The following IMMP2L variants were observed in gnomAD, a reference collection of about 807,000 sequenced individuals.
IMMP2L encodes inner mitochondrial membrane peptidase subunit 2.
Under a neutral mutation model 19.3 loss-of-function variants are expected in IMMP2L, and 18 were observed. The observed-to-expected ratio is 0.93, with a 90% CI of 0.64 to 1.38. IMMP2L has a LOEUF of 1.38. IMMP2L is among the 40% of genes most tolerant of loss of function. IMMP2L has a pLI of 0.00. For missense variants in IMMP2L, 233 were observed against 218.2 expected, an observed-to-expected ratio of 1.07 and a Z score of -0.43; for synonymous variants, 76 against 73.0, an observed-to-expected ratio of 1.04 and a Z score of -0.21.
intron 3 of IMMP2L, among the ~76,000 whole-genome samples, chr7:111,103,359 T>C (rs1355687030): frequency 1.3e-5 from 2 of 151,680 alleles, no homozygotes; most frequent in African/African-American, 2.4e-5. Context: ...CAACTGCTAA[T>C]AGTTTTTACC....
At chr7:111,397,334 C>T (rs1832978444) in intron 3 of IMMP2L, among the ~76,000 whole-genome samples, 1 of 151,968 alleles carries the variant, frequency 6.6e-6, no homozygotes, top group Non-Finnish European at 1.5e-5. Flanking sequence ...TATGAATATT[C>T]CATCATTTGT....
Position 110,717,287 on chromosome 7 carries a change from T to A in IMMP2L, c.409-53566A>T, listed in dbSNP as rs1230054764. Among the ~76,000 whole-genome samples the A allele has an allele frequency of 4.6e-5, 7 of 152,166 alleles. 1 individual carries two copies. The highest frequency in any genetic ancestry group is 1.7e-4 in the African/African-American group (7 of 41,528). ...GTCAGGAGATGGAGACCATCCTGGC[T>A]AATACGGTGAAACCCCATCTCTACT... On this transcript the variant is annotated intron_variant, in intron 5 of 5. Coordinates refer to ENST00000405709, the MANE Select transcript of IMMP2L (RefSeq NM_032549.4).
intron 2 of IMMP2L, among the ~76,000 whole-genome samples, chr7:111,502,658 T>C (rs1844414396): frequency 6.6e-6 from 1 of 151,656 alleles, no homozygotes; most frequent in South Asian, 2.1e-4. Flanking sequence ...AACTCAGGAT[T>C]AAGAAACTCA....
chr7:110,692,027 T>C lies in IMMP2L; in HGVS notation c.409-28306A>G, dbSNP rs112709751. 6.0e-3 allele frequency among the ~76,000 whole-genome samples: 913 copies of C among 152,240 alleles called. 8 individuals carry two copies. Among genetic ancestry groups the C allele is most frequent in the African/African-American group, 0.021 (871 of 41,554 alleles). ...CATACAAATGTTTACCACAACACAA[T>C]TCACAATTGCAAAGAAATGGAACCA... On this transcript the variant is annotated intron_variant, in intron 5 of 5. Coordinates refer to ENST00000405709, the MANE Select transcript of IMMP2L (RefSeq NM_032549.4).
intron 5 of IMMP2L, among the ~76,000 whole-genome samples, chr7:110,684,145 T>C (rs981982402): frequency 6.6e-6 from 1 of 152,082 alleles, no homozygotes; most frequent in Non-Finnish European, 1.5e-5. Context: ...ATAGTAGCAA[T>C]AAAATAAAAC....
chr7:110,807,262 A>G (rs778954296), intron 5 of IMMP2L, among the ~76,000 whole-genome samples: 20 of 152,030 alleles, frequency 1.3e-4, no homozygotes, highest in Admixed American at 4.6e-4. Context: ...TAAAGCTGAT[A>G]GAGTTAGCTC....
intron 3 of IMMP2L, among the ~76,000 whole-genome samples, chr7:111,216,586 C>CAA (rs2129619756): frequency 6.6e-6 from 1 of 152,154 alleles, no homozygotes; most frequent in African/African-American, 2.4e-5. Flanking sequence ...GTACAGTACT[C>CAA]TATTATTAAT....
intron 3 of IMMP2L, among the ~76,000 whole-genome samples, chr7:111,048,253 A>AAAG (rs1311991747): frequency 2.4e-4 from 35 of 143,176 alleles, no homozygotes; most frequent in African/African-American, 6.3e-4. Context: ...AAAAAAAAAA[A>AAAG]AAAAAAAAAA....
rs1817121620 is a variant in IMMP2L at position 110,945,129 on chromosome 7, G to C, written c.305+18371C>G. Among the ~76,000 whole-genome samples, 3 of 152,028 alleles carry C rather than the reference G, an allele frequency of 2.0e-5. No individual in the cohort carries two copies. In the South Asian group the frequency reaches 6.2e-4, roughly 32 times the overall value. On this transcript the variant is annotated intron_variant, in intron 4 of 5. Transcript: ENST00000405709. Reference sequence around the variant, plus strand: ...AGCTGCCAAGAAAATGCAAACTATAGGTATGGCCAGAGACAGTGGGGAGAA... The same window carrying C: ...AGCTGCCAAGAAAATGCAAACTATACGTATGGCCAGAGACAGTGGGGAGAA...
chr7:111,119,110 C>T (rs781326627), intron 3 of IMMP2L, among the ~76,000 whole-genome samples: 1 of 152,124 alleles, frequency 6.6e-6, no homozygotes, highest in African/African-American at 2.4e-5. Context: ...GATATAGGTA[C>T]CTCTCTGCTC....
rs1010322431 is a variant in IMMP2L at position 111,419,097 on chromosome 7, C to G, written c.239+68141G>C. On this transcript the variant is annotated intron_variant, in intron 3 of 5. Transcript: ENST00000405709. ...CCTAGCTTCACATAAATGGTTAAAG[C>G]TTTAAATAAATTGCATTTATATAAT... 2.0e-5 allele frequency among the ~76,000 whole-genome samples: 3 copies of G among 151,758 alleles called. No homozygotes were observed. The South Asian group carries it at 6.2e-4, about 32-fold the overall frequency.
chr7:111,281,052 A>G (rs1419931012), intron 3 of IMMP2L, among the ~76,000 whole-genome samples: 1 of 151,272 alleles, frequency 6.6e-6, no homozygotes, highest in African/African-American at 2.4e-5. Context: ...CCTGGGCAAC[A>G]GAGCGAGACT....
At chr7:110,688,958 AG>A (rs1404158022) in intron 5 of IMMP2L, among the ~76,000 whole-genome samples, 1 of 152,090 alleles carries the variant, frequency 6.6e-6, no homozygotes, top group Non-Finnish European at 1.5e-5. Context: ...CATTATCTTT[AG>A]GGGGTGGAAT....
intron 4 of IMMP2L, among the ~76,000 whole-genome samples, chr7:110,915,823 T>A (rs1311934187): frequency 2.0e-5 from 3 of 152,114 alleles, no homozygotes. Context: ...AAAAGAAAAC[T>A]GTTGATAGGC....
chr7:110,939,335 A>G lies in IMMP2L; in HGVS notation c.305+24165T>C, dbSNP rs115006633. Among the ~76,000 whole-genome samples, 1,336 of 150,816 alleles carry G rather than the reference A, an allele frequency of 8.9e-3. 23 individuals carry two copies. The highest frequency in any genetic ancestry group is 0.031 in the African/African-American group (1,286 of 41,020). ...GAAATCTGTGTTTTTCAGTGTCCCA[A>G]GAGCTTCCATGTTTGGCCAGATTTT... On this transcript the variant is annotated intron_variant, in intron 4 of 5. Transcript: ENST00000405709.
rs368373166 is a variant in IMMP2L at position 111,211,737 on chromosome 7, C to CAGTG, written c.240-248176_240-248173dup. 1.6e-3 allele frequency among the ~76,000 whole-genome samples: 240 copies of CAGTG among 152,294 alleles called. 3 individuals carry two copies. Among genetic ancestry groups the CAGTG allele is most frequent in the African/African-American group, 5.5e-3 (229 of 41,562 alleles). On this transcript the variant is annotated intron_variant, in intron 3 of 5. Transcript: ENST00000405709. ...AGAAGACGGAAATCCTGGCCGGGAG[C>CAGTG]AGTGGCTCACGCCTGTAATCCCAAC... is the stretch of plus-strand genomic sequence containing the variant.
intron 3 of IMMP2L, among the ~76,000 whole-genome samples, chr7:111,166,416 T>C (rs1051657285): frequency 2.6e-5 from 4 of 152,012 alleles, no homozygotes; most frequent in Non-Finnish European, 1.5e-5. Context: ...CTCTCTCCTA[T>C]CCTTTTAAAT....
intron 3 of IMMP2L, among the ~76,000 whole-genome samples, chr7:111,351,293 C>A (rs1245734725): frequency 1.3e-5 from 2 of 152,100 alleles, no homozygotes; most frequent in African/African-American, 4.8e-5. Flanking sequence ...TGGGTTCAAG[C>A]GATTCTCCTG....
chr7:110,900,656 T>A (rs1811768089), intron 4 of IMMP2L, among the ~76,000 whole-genome samples: 1 of 152,174 alleles, frequency 6.6e-6, no homozygotes, highest in Non-Finnish European at 1.5e-5. Flanking sequence ...TTCCCAACCT[T>A]AACATTATGG....
Sources: allele counts gnomAD v4.1 joint callset (sites outside exome capture counted in the v4.1 genomes callset), GRCh38; gene constraint gnomAD v4.1.1; transcripts MANE v1.5; gene names NCBI Gene and HGNC (gene_info 2026-07-23, HGNC 2026-07-21).